CACNA2D1: variants seen among roughly 807,000 people sequenced by gnomAD.
CACNA2D1 encodes the protein voltage-dependent calcium channel subunit alpha-2/delta-1.
CACNA2D1 carries 53 observed loss-of-function variants against 171.5 expected under a neutral mutation model. That is an observed-to-expected ratio of 0.31 (90% CI 0.25 to 0.39). The LOEUF is 0.39. CACNA2D1 is among the 10% of genes least tolerant of loss of function. CACNA2D1 has a pLI of 1.00. For missense variants in CACNA2D1, 903 were observed against 1,299.8 expected (o/e 0.69, Z 4.69); for synonymous variants, 442 against 443.1 (o/e 1.00, Z 0.03).
In CACNA2D1 at chr7:81,947,836, T is replaced by C. The variant is rs558560632; in HGVS notation, c.*2556A>G. The C allele has an allele frequency of 2.2e-4, 34 of 151,918 alleles. No homozygotes were observed. Among genetic ancestry groups the C allele is most frequent in the Non-Finnish European group, 4.1e-4 (28 of 67,856 alleles). The allele number at this position is 151,918 out of a possible 1,614,324, so 9.4% of individuals were successfully genotyped here. A position where few individuals can be genotyped will look rare whatever the true frequency, so the allele number is the denominator to read the frequency against. On this transcript the variant is annotated 3_prime_UTR_variant, in exon 39 of 39. Coordinates refer to ENST00000356860, the MANE Select transcript of CACNA2D1 (RefSeq NM_000722.4). Reference sequence around the variant, plus strand: ...AAAGCATGAAGACTAATATTAGTCATGGGAACAACTTTTATTCAGCTTGTT... The same window carrying C: ...AAAGCATGAAGACTAATATTAGTCACGGGAACAACTTTTATTCAGCTTGTT...
chr7:82,013,089 A>G (rs1327449199), intron 14 of CACNA2D1, among the ~76,000 whole-genome samples: 1 of 152,030 alleles, frequency 6.6e-6, no homozygotes, highest in South Asian at 2.1e-4. Flanking sequence ...GTCCAGCATA[A>G]TTAGTGTTTA....
chr7:82,421,281 C>A (rs1322579167), intron 1 of CACNA2D1, among the ~76,000 whole-genome samples: 2 of 152,134 alleles, frequency 1.3e-5, no homozygotes, highest in Non-Finnish European at 2.9e-5. Context: ...AGCAGATATC[C>A]CAGAAGCTCC....
chr7:82,099,242 T>G (rs258669), intron 6 of CACNA2D1, among the ~76,000 whole-genome samples: 58,168 of 151,844 alleles, frequency 0.38, 11,383 homozygotes, highest in Non-Finnish European at 0.42. Context: ...GAAAATCTTT[T>G]ATATTCATTT....
At chr7:82,104,781 C>T (rs75938508) in intron 6 of CACNA2D1, among the ~76,000 whole-genome samples, 1,780 of 152,028 alleles carry the variant, frequency 0.012, 36 homozygotes, top group African/African-American at 0.04. Flanking sequence ...TTTAACAGTA[C>T]GATACGATTT....
chr7:82,350,018 A>G (rs571758118), intron 1 of CACNA2D1, among the ~76,000 whole-genome samples: 1 of 152,338 alleles, frequency 6.6e-6, no homozygotes, highest in South Asian at 2.1e-4. Flanking sequence ...TAATAGTAAG[A>G]TCATACTAAA....
chr7:82,004,325 A>G (rs1446069545), intron 18 of CACNA2D1, among the ~76,000 whole-genome samples: 1 of 152,118 alleles, frequency 6.6e-6, no homozygotes, highest in Non-Finnish European at 1.5e-5. Context: ...ACATTTAAAC[A>G]TAACTAGGGT....
At chr7:82,103,505 A>C (rs530240942) in intron 6 of CACNA2D1, among the ~76,000 whole-genome samples, 1 of 152,186 alleles carries the variant, frequency 6.6e-6, no homozygotes, top group East Asian at 1.9e-4. Flanking sequence ...ACTTTTGTAC[A>C]TAATTCTTAA....
intron 3 of CACNA2D1, among the ~76,000 whole-genome samples, chr7:82,196,746 GAGAT>G (rs1400104542): frequency 1.3e-5 from 2 of 151,570 alleles, no homozygotes; most frequent in Non-Finnish European, 2.9e-5. Flanking sequence ...AGAAATAAGA[GAGAT>G]AGATAAAGAC....
At chr7:82,137,002 G>T (rs904511339) in intron 4 of CACNA2D1, among the ~76,000 whole-genome samples, 8 of 152,134 alleles carry the variant, frequency 5.3e-5, no homozygotes, top group African/African-American at 1.9e-4. Context: ...ACAATGAACA[G>T]GATAATTCAA....
chr7:82,292,307 A>G (rs73374393), intron 3 of CACNA2D1, among the ~76,000 whole-genome samples: 3,740 of 152,162 alleles, frequency 0.025, 144 homozygotes, highest in African/African-American at 0.086. Context: ...ATCACCCTGC[A>G]CCTATTTGAT....
At chr7:82,258,582 T>C (rs938430930) in intron 3 of CACNA2D1, among the ~76,000 whole-genome samples, 3 of 152,150 alleles carry the variant, frequency 2.0e-5, no homozygotes, top group African/African-American at 7.2e-5. Context: ...GCTTAAAACC[T>C]TGAGCATCAC....
At chr7:81,970,961 G>A in intron 26 of CACNA2D1, 2 of 522,772 alleles carry the variant, frequency 3.8e-6, no homozygotes, top group Non-Finnish European at 6.9e-6. Flanking sequence ...TTTTGAACAT[G>A]GAGTATGAAT....
chr7:82,332,553 AGAAAGAAAGAAAGAAC>A lies in CACNA2D1; in HGVS notation c.294+2566_294+2581del, dbSNP rs1358240653. Among the ~76,000 whole-genome samples, 411 of 133,100 alleles carry A rather than the reference AGAAAGAAAGAAAGAAC, an allele frequency of 3.1e-3. 1 individual carries two copies. Among genetic ancestry groups the A allele is most frequent in the African/African-American group, 9.9e-3 (391 of 39,432 alleles). 87.3% of individuals were successfully genotyped at this position (133,100 alleles called of 152,430 possible). ...AAGAAAGAAAGAAAGAAAGAAAGAA[AGAAAGAAAGAAAGAAC>A]GAACAGAAAATTTTTGAGGGTCAAG... On this transcript the variant is annotated intron_variant, in intron 3 of 38. Transcript: ENST00000356860.
intron 3 of CACNA2D1, among the ~76,000 whole-genome samples, chr7:82,269,659 C>G (rs1332162432): frequency 6.6e-6 from 1 of 152,158 alleles, no homozygotes; most frequent in Non-Finnish European, 1.5e-5. Flanking sequence ...TCCTTCAACT[C>G]TACATCCTTT....
chr7:82,335,378 T>A, intron 2 of CACNA2D1, 127 bp from the exon 3 acceptor site: 2 of 685,080 alleles, frequency 2.9e-6, no homozygotes, highest in South Asian at 3.3e-5. Flanking sequence ...TATCTTGATC[T>A]TTTTGGAGTT....
chr7:82,404,431 T>G (rs1017395953), intron 1 of CACNA2D1, among the ~76,000 whole-genome samples: 1 of 152,306 alleles, frequency 6.6e-6, no homozygotes, highest in African/African-American at 2.4e-5. Flanking sequence ...AGATCTTAAT[T>G]GACACCCCTG....
intron 4 of CACNA2D1, among the ~76,000 whole-genome samples, chr7:82,150,264 A>AAAAC (rs1793678466): frequency 1.1e-5 from 1 of 93,416 alleles, no homozygotes; most frequent in Non-Finnish European, 2.1e-5. Flanking sequence ...AATTAAAAAA[A>AAAAC]AAAAACAAAA....
intron 3 of CACNA2D1, among the ~76,000 whole-genome samples, chr7:82,320,514 T>C (rs758033072): frequency 2.2e-4 from 33 of 151,524 alleles, no homozygotes; most frequent in Non-Finnish European, 4.7e-4. Flanking sequence ...TGGGCTCGAG[T>C]GATCTTCCCA....
chr7:82,076,274 C>T (rs1289736257), intron 7 of CACNA2D1, among the ~76,000 whole-genome samples: 1 of 152,134 alleles, frequency 6.6e-6, no homozygotes, highest in Non-Finnish European at 1.5e-5. Context: ...CCCCACACAA[C>T]ACAATTGATG....
Sources: gnomAD v4.1 joint callset for allele counts (sites outside exome capture counted in the v4.1 genomes callset) on GRCh38, gnomAD v4.1.1 for gene constraint, MANE v1.5 for transcripts, NCBI Gene and HGNC (gene_info 2026-07-23, HGNC 2026-07-21) for gene names.